SPACA1: variants seen among roughly 807,000 people sequenced by gnomAD.
SPACA1 encodes sperm acrosome associated 1, also known as sperm acrosome membrane-associated protein 1.
Under a neutral mutation model 32.6 loss-of-function variants are expected in SPACA1, and 17 were observed. That is an observed-to-expected ratio of 0.52 (90% confidence interval 0.36 to 0.78). The LOEUF (loss-of-function observed/expected upper bound fraction) is 0.78. Ranked by LOEUF, SPACA1 falls within the 30% of genes least tolerant of loss-of-function variation. The probability of loss-of-function intolerance (pLI) is 0.01; values close to 1 mark genes in which losing one functional copy is unlikely to be tolerated. For synonymous variants in SPACA1, 140 were observed against 138.1 expected (o/e 1.01, Z -0.10); for missense variants, 363 against 373.4 (o/e 0.97, Z 0.23).
At chr6:88,062,311 G>A (rs1384027594) in intron 5 of SPACA1, among the ~76,000 whole-genome samples, 1 of 152,162 alleles carries the variant, frequency 6.6e-6, no homozygotes, top group Non-Finnish European at 1.5e-5. Flanking sequence ...TTCTGACAGA[G>A]TAGTACTTAT....
chr6:88,064,319 C>G, intron 6 of SPACA1, 100 bp downstream of exon 6: 3 of 1,255,980 alleles, frequency 2.4e-6, no homozygotes, highest in Non-Finnish European at 3.3e-6. Context: ...ATGTCTCCTA[C>G]ATGTTGCCTT....
In SPACA1 at chr6:88,066,365, A is replaced by T; in HGVS notation, c.*30A>T. The T allele has an allele frequency of 6.5e-7, 1 of 1,539,778 alleles. No individual in the cohort carries two copies. On this transcript the variant is annotated 3_prime_UTR_variant, in exon 7 of 7. Transcript: ENST00000237201. ...TGAATGATATATAACAAACCAAAGG[A>T]TATTACAGAATATTAGATTCATTAT...
upstream of SPACA1, among the ~76,000 whole-genome samples, chr6:88,047,520 A>G (rs537400972): frequency 6.6e-6 from 1 of 152,348 alleles, no homozygotes; most frequent in South Asian, 2.1e-4. Context: ...GAAAGCAGGC[A>G]GGGTGAGCGA....
In SPACA1 at chr6:88,064,216, A is replaced by G. The variant is rs756799815; in HGVS notation, c.728A>G (p.Asn243Ser). ...TTCTTATTGATCTTCATAATCATAA[A>G]TTGGTAGGTGAATAGTGGAATGCAT... ...IIFLLIFIIINWAAVKAFWGA... is the reference protein window; with the variant it reads ...IIFLLIFIIISWAAVKAFWGA... The change falls in exon 6 of 7, where the codon AAT becomes AGT. Residue 243 changes from asparagine to serine, a missense_variant. Physicochemically the swap from Asn to Ser is conservative, Grantham distance 46. Coordinates refer to ENST00000237201, the MANE Select transcript of SPACA1 (RefSeq NM_030960.3). 1.2e-6 allele frequency: 2 copies of G among 1,609,782 alleles called. No individual in the cohort carries two copies. Among genetic ancestry groups the G allele is most frequent in the Non-Finnish European group, 1.7e-6 (2 of 1,178,166 alleles).
At chr6:88,065,231 A>C (rs950611179) in intron 6 of SPACA1, among the ~76,000 whole-genome samples, 1 of 148,884 alleles carries the variant, frequency 6.7e-6, no homozygotes, top group African/African-American at 2.4e-5. Context: ...GTGTATACAT[A>C]TATAGACACA....
intron 2 of SPACA1, among the ~76,000 whole-genome samples, chr6:88,054,319 T>C (rs1484538080): frequency 6.6e-6 from 1 of 152,010 alleles, no homozygotes; most frequent in Non-Finnish European, 1.5e-5. Flanking sequence ...CCAATGCATC[T>C]CACAGATGTC....
In SPACA1 at chr6:88,066,298, C is replaced by G; in HGVS notation, c.848C>G (p.Pro283Arg). 6.2e-7 allele frequency: 1 copy of G among 1,611,692 alleles called. No homozygotes were observed. Among genetic ancestry groups the G allele is most frequent in the Non-Finnish European group, 8.5e-7 (1 of 1,178,510 alleles). ...TSLDQLPTEM[P>R]GEDDALSEWN... ...CTTGACCAATTACCAACAGAAATGCCTGGTGAAGATGATGCTTTAAGTGAA... is the reference window on the plus strand; with the variant it reads ...CTTGACCAATTACCAACAGAAATGCGTGGTGAAGATGATGCTTTAAGTGAA... The change falls in exon 7 of 7, where the codon CCT becomes CGT. Residue 283 changes from proline to arginine, a missense_variant. By Grantham distance (103) the Pro-to-Arg change is moderately radical (BLOSUM62 -2). Transcript: ENST00000237201.
intron 1 of SPACA1, among the ~76,000 whole-genome samples, chr6:88,050,457 T>C (rs1029952796): frequency 1.3e-5 from 2 of 152,258 alleles, no homozygotes; most frequent in Non-Finnish European, 2.9e-5. Context: ...TATCTGTCTC[T>C]TTTCATCTTC....
intron 2 of SPACA1, 41 bp from the exon 3 acceptor site, chr6:88,057,571 T>G (rs752082389): frequency 6.9e-7 from 1 of 1,446,234 alleles, no homozygotes; most frequent in African/African-American, 1.4e-5. Context: ...CTGGAATCAG[T>G]TTTTTTCTTA....
chr6:88,055,960 C>T (rs780505059), intron 2 of SPACA1, among the ~76,000 whole-genome samples: 3 of 151,686 alleles, frequency 2.0e-5, no homozygotes, highest in Non-Finnish European at 4.4e-5. Context: ...CAAAGCGAGA[C>T]TCCATCTCAA....
At chr6:88,060,105 G>A (rs994975003) in intron 5 of SPACA1, among the ~76,000 whole-genome samples, 6 of 152,142 alleles carry the variant, frequency 3.9e-5, no homozygotes, top group African/African-American at 1.4e-4. Context: ...CACTAATACA[G>A]TTCTCAAAAA....
At chr6:88,054,974 C>T (rs1775784809) in intron 2 of SPACA1, among the ~76,000 whole-genome samples, 1 of 152,034 alleles carries the variant, frequency 6.6e-6, no homozygotes, top group Admixed American at 6.6e-5. Flanking sequence ...CACTAACTTC[C>T]TGTTCCCCCC....
rs757434993 is a variant in SPACA1 at position 88,047,985 on chromosome 6, C to T, written c.80C>T (p.Ala27Val). Reference protein sequence around the residue: ...GWLLLAGLQSARGTNVTAAVQ... With the variant: ...GWLLLAGLQSVRGTNVTAAVQ... ...CTGCTTCTGGCGGGCCTCCAGTCCGCGCGCGGGACCAACGTCACCGCTGCC... is the reference window on the plus strand; with the variant it reads ...CTGCTTCTGGCGGGCCTCCAGTCCGTGCGCGGGACCAACGTCACCGCTGCC... The change falls in exon 1 of 7, where the codon GCG (alanine) becomes GTG (valine). Residue 27 changes from alanine to valine, a missense_variant. Physicochemically the swap from Ala to Val is moderately conservative, Grantham distance 64. Transcript: ENST00000237201. 3.8e-6 allele frequency: 6 copies of T among 1,570,114 alleles called. No individual in the cohort carries two copies. The highest frequency in any genetic ancestry group is 4.3e-6 in the Non-Finnish European group (5 of 1,159,412).
chr6:88,059,603 A>G lies in SPACA1; in HGVS notation c.610+15A>G, dbSNP rs747591947. On this transcript the variant is annotated intron_variant, in intron 5 of 6. Coordinates refer to ENST00000237201, the MANE Select transcript of SPACA1 (RefSeq NM_030960.3). ...TACGAGCAGTGGTAAGTGTCCAGCAATGTCTTGGTTTGCTTATATGCCAAT... is the reference window on the plus strand; with the variant it reads ...TACGAGCAGTGGTAAGTGTCCAGCAGTGTCTTGGTTTGCTTATATGCCAAT... 1.8e-5 allele frequency: 28 copies of G among 1,599,810 alleles called. No individual in the cohort carries two copies. The highest frequency in any genetic ancestry group is 5.4e-5 in the African/African-American group (4 of 74,250).
At position 88,066,262 on chromosome 6, in the gene SPACA1, A is replaced by T. The variant is rs1314635158; in HGVS notation, c.812A>T (p.Asp271Val). The change falls in exon 7 of 7, where the codon GAT becomes GTT. Residue 271 changes from aspartate (D) to valine (V), a missense_variant. Asp to Val is a radical substitution (Grantham distance 152, BLOSUM62 -3). Transcript: ENST00000237201. ...QSEQSSVRYKDSTSLDQLPTE... is the reference protein window; with the variant it reads ...QSEQSSVRYKVSTSLDQLPTE... ...GAGCAGAGTTCTGTGAGATACAAAG[A>T]TTCAACTTCTCTTGACCAATTACCA... 1.9e-6 allele frequency: 3 copies of T among 1,612,882 alleles called. No homozygotes were observed. In the East Asian group the frequency reaches 6.7e-5, roughly 36 times the overall value.
In SPACA1 at chr6:88,064,095, C is replaced by G; in HGVS notation, c.611-4C>G. On this transcript the variant is annotated splice_region_variant and splice_polypyrimidine_tract_variant and intron_variant, in intron 5 of 6. Coordinates refer to ENST00000237201, the MANE Select transcript of SPACA1 (RefSeq NM_030960.3). ...TACTCCTTAGGTTTGTGTGTTTTCTCTAGAATTGCAGATGAGAAGATCAAG... is the reference window on the plus strand; with the variant it reads ...TACTCCTTAGGTTTGTGTGTTTTCTGTAGAATTGCAGATGAGAAGATCAAG... The G allele has an allele frequency of 4.3e-6, 7 of 1,612,516 alleles. No homozygotes were observed. In the South Asian group the frequency reaches 6.6e-5, roughly 15 times the overall value.
At chr6:88,065,960 A>G (rs1002148037) in intron 6 of SPACA1, among the ~76,000 whole-genome samples, 10 of 152,042 alleles carry the variant, frequency 6.6e-5, no homozygotes, top group African/African-American at 2.2e-4. Context: ...TATAGCTGTA[A>G]TGTAATGTAC....
At position 88,047,953 on chromosome 6, in the gene SPACA1, C is replaced by A; in HGVS notation, c.48C>A (p.Val16=). The change falls in exon 1 of 7, where the codon GTC becomes GTA. Residue 16 remains valine, a synonymous_variant. Transcript: ENST00000237201. The part of the protein sequence containing the change: ...TGCSAGLLMT[V]GWLLLAGLQS... ...GCTCCGCCGGGCTGCTGATGACTGTCGGCTGGCTGCTTCTGGCGGGCCTCC... is the reference window on the plus strand; with the variant it reads ...GCTCCGCCGGGCTGCTGATGACTGTAGGCTGGCTGCTTCTGGCGGGCCTCC... The A allele has an allele frequency of 6.4e-7, 1 of 1,570,834 alleles. No homozygotes were observed.
At chr6:88,048,348 A>T (rs1200557051) in intron 1 of SPACA1, among the ~76,000 whole-genome samples, 1 of 152,220 alleles carries the variant, frequency 6.6e-6, no homozygotes, top group African/African-American at 2.4e-5. Flanking sequence ...TTGCTATAGA[A>T]ACACTTCTAA....
Sources: gnomAD v4.1 joint callset for allele counts (sites outside exome capture counted in the v4.1 genomes callset) on GRCh38, gnomAD v4.1.1 for gene constraint, MANE v1.5 for transcripts, NCBI Gene and HGNC (gene_info 2026-07-23, HGNC 2026-07-21) for gene names.